Variants in AGBL1 observed in about 807,000 individuals in gnomAD.
AGBL1 encodes AGBL carboxypeptidase 1.
Under a neutral mutation model 118.9 loss-of-function variants are expected in AGBL1, and 130 were observed. The ratio of observed to expected loss-of-function variants is 1.09; its 90% CI spans 0.95 to 1.26. The LOEUF (loss-of-function observed/expected upper bound fraction) is 1.26, where lower values mean the gene tolerates loss of function less well. Ranked by LOEUF, AGBL1 falls within the 50% of genes most tolerant of loss-of-function variation. The pLI, the probability that AGBL1 is intolerant of heterozygous loss-of-function variation, is 0.00. For missense variants in AGBL1, 1,584 were observed against 1,298.1 expected (o/e 1.22, Z -3.38); for synonymous variants, 555 against 478.9 (o/e 1.16, Z -2.08).
chr15:86,121,299 C>T (rs1054408831), intron 1 of AGBL1, among the ~76,000 whole-genome samples: 20 of 152,114 alleles, frequency 1.3e-4, no homozygotes, highest in Admixed American at 3.9e-4. Flanking sequence ...TTAAGAATAA[C>T]AACTATTAAT....
At chr15:87,012,266 T>TAA (rs34208061) in intron 24 of AGBL1, among the ~76,000 whole-genome samples, 9 of 149,176 alleles carry the variant, frequency 6.0e-5, no homozygotes, top group Admixed American at 1.3e-4. Flanking sequence ...CAAGCTAGGT[T>TAA]AAAAAAAAAA....
intron 22 of AGBL1, among the ~76,000 whole-genome samples, chr15:86,819,125 A>T (rs1343469242): frequency 6.6e-6 from 1 of 151,968 alleles, no homozygotes; most frequent in Non-Finnish European, 1.5e-5. Context: ...CACAGGGAGC[A>T]GAAAAAGAAA....
chr15:86,676,651 A>T (rs2085853953), intron 22 of AGBL1, among the ~76,000 whole-genome samples: 1 of 152,144 alleles, frequency 6.6e-6, no homozygotes, highest in Non-Finnish European at 1.5e-5. Flanking sequence ...GTATGTTTTA[A>T]AGAGGAGACC....
chr15:86,934,784 C>T (rs2080646906), intron 23 of AGBL1, among the ~76,000 whole-genome samples: 1 of 152,056 alleles, frequency 6.6e-6, no homozygotes, highest in South Asian at 2.1e-4. Flanking sequence ...CTTCTGGGTA[C>T]CAGATACATG....
At chr15:86,633,341 G>T (rs1236112972) in intron 21 of AGBL1, among the ~76,000 whole-genome samples, 1 of 152,046 alleles carries the variant, frequency 6.6e-6, no homozygotes, top group Non-Finnish European at 1.5e-5. Flanking sequence ...GTTGCACCAT[G>T]AATTTTTTTT....
intron 17 of AGBL1, among the ~76,000 whole-genome samples, chr15:86,331,640 G>A (rs2080270606): frequency 6.6e-6 from 1 of 152,182 alleles, no homozygotes; most frequent in African/African-American, 2.4e-5. Flanking sequence ...GAGATCGGGG[G>A]CCTGTTTACA....
intron 22 of AGBL1, among the ~76,000 whole-genome samples, chr15:86,862,220 G>T (rs75004719): frequency 5.9e-4 from 90 of 152,270 alleles, no homozygotes; most frequent in African/African-American, 2.1e-3. Context: ...TTGGGAAAGT[G>T]TATTGCACAG....
At chr15:86,487,200 A>G (rs2082723960) in intron 18 of AGBL1, among the ~76,000 whole-genome samples, 2 of 152,042 alleles carry the variant, frequency 1.3e-5, no homozygotes. Context: ...GTCAGGTCAC[A>G]AGGAGATGGC....
chr15:86,740,385 C>G (rs952310022), intron 22 of AGBL1, among the ~76,000 whole-genome samples: 1 of 152,164 alleles, frequency 6.6e-6, no homozygotes, highest in Non-Finnish European at 1.5e-5. Context: ...CCAGAAAGTT[C>G]TAAGATTCTT....
intron 23 of AGBL1, among the ~76,000 whole-genome samples, chr15:86,929,281 T>C (rs532299453): frequency 4.1e-4 from 63 of 152,348 alleles, no homozygotes; most frequent in African/African-American, 1.4e-3. Flanking sequence ...TGGGGAAAGA[T>C]TGAAGGTTGA....
intron 17 of AGBL1, among the ~76,000 whole-genome samples, chr15:86,307,585 T>C (rs2079859326): frequency 6.6e-6 from 1 of 152,146 alleles, no homozygotes. Context: ...AGCTATTAAA[T>C]ATGGAGTGAG....
At chr15:86,474,010 T>C (rs1333402582) in intron 18 of AGBL1, among the ~76,000 whole-genome samples, 1 of 152,184 alleles carries the variant, frequency 6.6e-6, no homozygotes, top group East Asian at 1.9e-4. Context: ...ACTCAAGTAA[T>C]AAAATTGCAC....
chr15:86,537,229 T>C (rs2083439011), intron 19 of AGBL1, among the ~76,000 whole-genome samples: 2 of 152,100 alleles, frequency 1.3e-5, no homozygotes, highest in Admixed American at 1.3e-4. Flanking sequence ...TTGTTATAGG[T>C]CAAAAAGACT....
At position 86,264,251 on chromosome 15, in the gene AGBL1, C is replaced by T. The variant is rs376163686; in HGVS notation, c.1087-7C>T. 2 of 1,569,606 alleles carry T rather than the reference C, an allele frequency of 1.3e-6. No individual in the cohort carries two copies. The highest frequency in any genetic ancestry group is 2.7e-5 in the African/African-American group (2 of 73,794). ...CTAACATATTGTATTCCATTTTGAACCTGAAGGAACTGCAGTCCAAACTTG... is the reference window on the plus strand; with the variant it reads ...CTAACATATTGTATTCCATTTTGAATCTGAAGGAACTGCAGTCCAAACTTG... On this transcript the variant is annotated splice_polypyrimidine_tract_variant and splice_region_variant and intron_variant, in intron 10 of 22. Transcript: ENST00000614907.
At chr15:86,987,639 T>G (rs1203139835) in intron 23 of AGBL1, among the ~76,000 whole-genome samples, 2 of 152,156 alleles carry the variant, frequency 1.3e-5, no homozygotes, top group African/African-American at 2.4e-5. Context: ...TAATAGGTAT[T>G]GGAATTTATC....
chr15:86,091,017 C>CAT (rs1312256959), intron 1 of AGBL1, among the ~76,000 whole-genome samples: 1 of 152,034 alleles, frequency 6.6e-6, no homozygotes, highest in African/African-American at 2.4e-5. Context: ...TTTAAATTAA[C>CAT]ATATATAGGT....
intron 22 of AGBL1, among the ~76,000 whole-genome samples, chr15:86,727,656 A>C (rs1173678102): frequency 6.6e-6 from 1 of 152,252 alleles, no homozygotes; most frequent in Admixed American, 6.5e-5. Flanking sequence ...TGGAAAAGTA[A>C]AATAGAGTTT....
chr15:86,430,938 A>G (rs1344511127), intron 18 of AGBL1, among the ~76,000 whole-genome samples: 2 of 152,192 alleles, frequency 1.3e-5, no homozygotes, highest in Non-Finnish European at 1.5e-5. Context: ...TGACAGTCCT[A>G]TGGAAGGGGT....
intron 17 of AGBL1, among the ~76,000 whole-genome samples, chr15:86,341,940 ATAT>A (rs1205653089): frequency 1.3e-5 from 2 of 152,244 alleles, no homozygotes; most frequent in Admixed American, 1.3e-4. Flanking sequence ...AGTGAATAAG[ATAT>A]TATTCAGGTT....
Sources: gnomAD v4.1 joint callset for allele counts (sites outside exome capture counted in the v4.1 genomes callset) on GRCh38, gnomAD v4.1.1 for gene constraint, MANE v1.5 for transcripts, NCBI Gene and HGNC (gene_info 2026-07-23, HGNC 2026-07-21) for gene names.